Variants in FZD3 observed in about 807,000 individuals in gnomAD.
FZD3 encodes the protein frizzled-3.
A neutral mutation model predicts 60.7 loss-of-function variants in FZD3; 30 were observed. That is an observed-to-expected ratio of 0.49 (90% CI 0.37 to 0.67). The LOEUF (loss-of-function observed/expected upper bound fraction) is 0.67, where lower values mean the gene tolerates loss of function less well. FZD3 is among the 30% of genes least tolerant of loss of function. The pLI is 0.00. For missense variants in FZD3, 605 were observed against 838.7 expected (o/e 0.72, Z 3.44); for synonymous variants, 246 against 275.2 (o/e 0.89, Z 1.05).
intron 5 of FZD3, among the ~76,000 whole-genome samples, chr8:28,529,992 G>A (rs1198591385): frequency 6.6e-6 from 1 of 151,998 alleles, no homozygotes; most frequent in East Asian, 1.9e-4. Context: ...CCTCAAACAT[G>A]TAAATCAGTA....
At chr8:28,536,606 G>A (rs938751341) in intron 5 of FZD3, among the ~76,000 whole-genome samples, 2 of 152,140 alleles carry the variant, frequency 1.3e-5, no homozygotes, top group Non-Finnish European at 1.5e-5. Context: ...CTACTCAGGA[G>A]GCTGAGGCAG....
At chr8:28,545,527 G>T (rs1291946214) in intron 5 of FZD3, among the ~76,000 whole-genome samples, 1 of 152,164 alleles carries the variant, frequency 6.6e-6, no homozygotes, top group Non-Finnish European at 1.5e-5. Context: ...TTCTCAGTCA[G>T]CTCCCGTCTT....
chr8:28,520,552 T>G, intron 3 of FZD3, 86 bp from the exon 4 acceptor site: 11 of 800,894 alleles, frequency 1.4e-5, no homozygotes, highest in African/African-American at 1.7e-5. Context: ...TTTCTTGTAA[T>G]GAGAAAGAGA....
chr8:28,557,758 C>G (rs1286174315), intron 7 of FZD3, among the ~76,000 whole-genome samples: 1 of 152,206 alleles, frequency 6.6e-6, no homozygotes. Context: ...CCACAAGGAT[C>G]TTTCTCCTTC....
intron 5 of FZD3, among the ~76,000 whole-genome samples, chr8:28,551,031 A>C (rs1395914079): frequency 6.6e-6 from 1 of 152,142 alleles, no homozygotes; most frequent in African/African-American, 2.4e-5. Flanking sequence ...AATGCTGTCC[A>C]TTCTTCCCTA....
chr8:28,532,972 T>C, intron 5 of FZD3, among the ~76,000 whole-genome samples: 1 of 152,190 alleles, frequency 6.6e-6, no homozygotes. Context: ...AGAAAGTAGA[T>C]TTTTGTAAGT....
At chr8:28,523,813 T>C (rs1235621189) in intron 4 of FZD3, among the ~76,000 whole-genome samples, 1 of 152,176 alleles carries the variant, frequency 6.6e-6, no homozygotes, top group Non-Finnish European at 1.5e-5. Context: ...TAATTCTCAG[T>C]GCAGCAGTGT....
chr8:28,509,070 G>A (rs568723969), intron 3 of FZD3, among the ~76,000 whole-genome samples: 5 of 152,136 alleles, frequency 3.3e-5, no homozygotes, highest in East Asian at 1.9e-4. Context: ...AAATTATTGT[G>A]TTTTAAGTCA....
chr8:28,539,339 TC>T (rs1220408410), intron 5 of FZD3, among the ~76,000 whole-genome samples: 1 of 152,216 alleles, frequency 6.6e-6, no homozygotes, highest in Non-Finnish European at 1.5e-5. Context: ...TCTCCACTGA[TC>T]TATAATACTG....
intron 5 of FZD3, chr8:28,530,587 C>T (rs973463718): frequency 6.6e-6 from 1 of 152,088 alleles, no homozygotes; most frequent in African/African-American, 2.4e-5. Context: ...CATATAGATA[C>T]GTTTTTTAAA....
intron 5 of FZD3, among the ~76,000 whole-genome samples, chr8:28,540,264 C>G (rs1477930094): frequency 1.3e-5 from 2 of 152,178 alleles, no homozygotes; most frequent in Non-Finnish European, 2.9e-5. Flanking sequence ...GAGTCTCGCT[C>G]TGTTACCCAG....
At chr8:28,557,224 A>AAAG (rs5890424) in intron 7 of FZD3, among the ~76,000 whole-genome samples, 4,253 of 133,584 alleles carry the variant, frequency 0.032, 187 homozygotes, top group African/African-American at 0.089. Flanking sequence ...AAAAAAAAAA[A>AAAG]AAGAAGAAGA....
intron 5 of FZD3, among the ~76,000 whole-genome samples, chr8:28,548,088 G>A (rs543203570): frequency 6.6e-6 from 1 of 152,056 alleles, no homozygotes; most frequent in East Asian, 1.9e-4. Flanking sequence ...CCTGACATCA[G>A]GTGATCTGCC....
chr8:28,506,882 A>T (rs1295253547), intron 3 of FZD3, among the ~76,000 whole-genome samples: 1 of 152,198 alleles, frequency 6.6e-6, no homozygotes, highest in Non-Finnish European at 1.5e-5. Context: ...TTTCCATTAT[A>T]TACAAATAGA....
Position 28,571,383 on chromosome 8 carries a change from C to G in FZD3, c.*8372C>G, listed in dbSNP as rs922657893. ...CTGAGACAAGATCAACACAGTAGTT[C>G]TTTACATTGAGCTGAGGTGAATGTA... On this transcript the variant is annotated 3_prime_UTR_variant, in exon 8 of 8. Transcript: ENST00000240093. The G allele has an allele frequency of 6.6e-6, 1 of 152,130 alleles. No individual in the cohort carries two copies. The highest frequency in any genetic ancestry group is 6.5e-5 in the Admixed American group (1 of 15,274). The allele number at this position is 152,130 out of a possible 1,614,324, so 9.4% of individuals were successfully genotyped here.
At chr8:28,559,452 G>A (rs1295777422) in intron 7 of FZD3, among the ~76,000 whole-genome samples, 2 of 152,110 alleles carry the variant, frequency 1.3e-5, no homozygotes, top group African/African-American at 2.4e-5. Context: ...AGGTGACACC[G>A]TATTCCTCCA....
chr8:28,566,968 A>G lies in FZD3; in HGVS notation c.*3957A>G, dbSNP rs1259297199. The G allele has an allele frequency of 3.3e-5, 5 of 152,148 alleles. No homozygotes were observed. Among genetic ancestry groups the G allele is most frequent in the African/African-American group, 1.2e-4 (5 of 41,422 alleles). The allele number at this position is 152,148 out of a possible 1,614,324, so 9.4% of individuals were successfully genotyped here. On this transcript the variant is annotated 3_prime_UTR_variant, in exon 8 of 8. Transcript: ENST00000240093. ...TATTTATTATAATGCTCTGTAACCC[A>G]TAAATTATTCTACTTAAAAAAATTT...
At chr8:28,538,966 A>G (rs1246042073) in intron 5 of FZD3, among the ~76,000 whole-genome samples, 1 of 152,054 alleles carries the variant, frequency 6.6e-6, no homozygotes, top group Non-Finnish European at 1.5e-5. Context: ...GAAAATAAAC[A>G]TGGAAATCAG....
intron 1 of FZD3, among the ~76,000 whole-genome samples, chr8:28,498,638 T>G (rs574951711): frequency 6.6e-6 from 1 of 152,208 alleles, no homozygotes; most frequent in African/African-American, 2.4e-5. Context: ...GATGCAGTAG[T>G]ACAGTCTCCA....
Sources: gnomAD v4.1 joint callset for allele counts (sites outside exome capture counted in the v4.1 genomes callset) on GRCh38, gnomAD v4.1.1 for gene constraint, MANE v1.5 for transcripts, NCBI Gene and HGNC (gene_info 2026-07-23, HGNC 2026-07-21) for gene names.